Variants in FCHSD2 observed in about 807,000 individuals in gnomAD.
FCHSD2 encodes F-BAR and double SH3 domains protein 2.
In FCHSD2, 38 loss-of-function variants were observed where a neutral mutation model predicts 108.1. The ratio of observed to expected loss-of-function variants is 0.35; its 90% CI spans 0.27 to 0.46. The LOEUF (loss-of-function observed/expected upper bound fraction) is 0.46, where lower values mean the gene tolerates loss of function less well. FCHSD2 is among the 20% of genes least tolerant of loss of function. The pLI is 1.00. For synonymous variants in FCHSD2, 279 were observed against 314.7 expected (o/e 0.89, Z 1.20); for missense variants, 751 against 897.8 (o/e 0.84, Z 2.09).
chr11:73,109,438 C>T lies in FCHSD2; in HGVS notation c.120-25698G>A, dbSNP rs139241556. ...TAGTTTTCATTGCAGAGATCTTTCA[C>T]TTCATCAGTTAATTCATAGGCATTT... On this transcript the variant is annotated intron_variant, in intron 2 of 19. Transcript: ENST00000409418. Among the ~76,000 whole-genome samples the T allele has an allele frequency of 1.1e-4, 17 of 150,632 alleles. 1 individual carries two copies. Among genetic ancestry groups the T allele is most frequent in the Admixed American group, 4.6e-4 (7 of 15,082 alleles).
chr11:73,054,726 A>C (rs1858982659), intron 3 of FCHSD2, among the ~76,000 whole-genome samples: 2 of 152,096 alleles, frequency 1.3e-5, no homozygotes, highest in African/African-American at 2.4e-5. Flanking sequence ...CCCAGGCTGA[A>C]GTGCAGTGGC....
intron 10 of FCHSD2, among the ~76,000 whole-genome samples, chr11:72,901,871 T>G (rs1855533470): frequency 6.6e-6 from 1 of 152,146 alleles, no homozygotes; most frequent in African/African-American, 2.4e-5. Context: ...TCTGGTTTTT[T>G]TTTTGTTTGT....
chr11:72,916,965 ATTCTTTTTTTTTTTTTTTTT>A (rs869233651), intron 9 of FCHSD2, among the ~76,000 whole-genome samples: 1 of 124,504 alleles, frequency 8.0e-6, no homozygotes. Context: ...ATTGAACTTC[ATTCTTTTTTTTTTTTTTTTT>A]TTTTTTTTTT....
chr11:73,065,410 G>A (rs1859268292), intron 3 of FCHSD2, among the ~76,000 whole-genome samples: 1 of 152,114 alleles, frequency 6.6e-6, no homozygotes, highest in South Asian at 2.1e-4. Context: ...ATACTGAATG[G>A]GCAAAAACTG....
chr11:72,888,257 G>A (rs759771482), intron 11 of FCHSD2, among the ~76,000 whole-genome samples: 1 of 152,206 alleles, frequency 6.6e-6, no homozygotes, highest in Non-Finnish European at 1.5e-5. Context: ...GATGACTAGA[G>A]AAGATAACAT....
At chr11:73,030,855 A>T (rs1178637845) in intron 3 of FCHSD2, among the ~76,000 whole-genome samples, 3 of 152,154 alleles carry the variant, frequency 2.0e-5, no homozygotes, top group Non-Finnish European at 2.9e-5. Flanking sequence ...CTCTTTCAGC[A>T]AAAAATCCTG....
intron 8 of FCHSD2, among the ~76,000 whole-genome samples, chr11:72,929,418 T>C (rs984547597): frequency 1.3e-5 from 2 of 152,300 alleles, no homozygotes; most frequent in South Asian, 2.1e-4. Flanking sequence ...CATGAACTCA[T>C]TTTCTGGTGG....
Position 72,838,856 on chromosome 11 carries a change from G to A in FCHSD2, c.2158C>T (p.Pro720Ser). Reference sequence around the variant, plus strand: ...GGCCTTCGGTGATTCTGTGTAGGTGGAGGGGGAGCTGCCCGGACCTGAGCA... The same window carrying A: ...GGCCTTCGGTGATTCTGTGTAGGTGAAGGGGGAGCTGCCCGGACCTGAGCA... The part of the protein sequence containing the change: ...KLRPVRAAPP[P>S]PTQNHRRPAE... The change falls in exon 20 of 20, where the codon CCA (proline) becomes TCA (serine). Residue 720 changes from proline (P) to serine (S), a missense_variant. Pro to Ser is a moderately conservative substitution (Grantham distance 74). Transcript: ENST00000409418. The A allele has an allele frequency of 6.3e-7, 1 of 1,586,908 alleles. No homozygotes were observed. Among genetic ancestry groups the A allele is most frequent in the Non-Finnish European group, 8.6e-7 (1 of 1,168,394 alleles).
intron 8 of FCHSD2, among the ~76,000 whole-genome samples, chr11:72,970,662 C>A (rs1856990489): frequency 6.6e-6 from 1 of 152,150 alleles, no homozygotes; most frequent in Admixed American, 6.5e-5. Flanking sequence ...CTGTGAAATG[C>A]CACTGTCTGC....
chr11:73,130,695 TTTAA>T (rs377168813), intron 2 of FCHSD2, among the ~76,000 whole-genome samples: 132 of 152,294 alleles, frequency 8.7e-4, no homozygotes, highest in African/African-American at 3.0e-3. Context: ...ACAAAAAAAG[TTTAA>T]TTAAACAGAC....
chr11:72,870,309 T>C (rs1854825831), intron 12 of FCHSD2, among the ~76,000 whole-genome samples: 2 of 152,182 alleles, frequency 1.3e-5, no homozygotes, highest in Admixed American at 6.5e-5. Context: ...TAAGTATGCC[T>C]GTTTGATATA....
At chr11:73,100,598 G>T (rs1860200433) in intron 2 of FCHSD2, among the ~76,000 whole-genome samples, 1 of 152,082 alleles carries the variant, frequency 6.6e-6, no homozygotes, top group African/African-American at 2.4e-5. Context: ...CTCGACCTCA[G>T]GTGATCCGCC....
At chr11:73,123,211 A>C (rs1176420992) in intron 2 of FCHSD2, among the ~76,000 whole-genome samples, 1 of 152,218 alleles carries the variant, frequency 6.6e-6, no homozygotes, top group African/African-American at 2.4e-5. Context: ...CAATTATTTC[A>C]CTGACATTTT....
intron 3 of FCHSD2, among the ~76,000 whole-genome samples, chr11:73,044,871 C>A: frequency 6.6e-6 from 1 of 152,052 alleles, no homozygotes; most frequent in South Asian, 2.1e-4. Context: ...GAGATCGAGA[C>A]CATCCTGACT....
chr11:73,068,627 TG>T (rs1317427754), intron 3 of FCHSD2, among the ~76,000 whole-genome samples: 1 of 151,742 alleles, frequency 6.6e-6, no homozygotes, highest in Non-Finnish European at 1.5e-5. Flanking sequence ...AATTAACAAT[TG>T]GAACACACAT....
intron 10 of FCHSD2, 130 bp downstream of exon 10, chr11:72,902,413 C>T (rs1855544868): frequency 1.1e-5 from 6 of 538,464 alleles, no homozygotes; most frequent in Non-Finnish European, 1.9e-5. Context: ...TATTCTGTGT[C>T]CTCACAGTTT....
chr11:72,847,928 G>A (rs1359347570), intron 14 of FCHSD2, among the ~76,000 whole-genome samples: 1 of 152,094 alleles, frequency 6.6e-6, no homozygotes, highest in Non-Finnish European at 1.5e-5. Context: ...CCTAACCTCA[G>A]TGATCCACCT....
chr11:72,985,843 G>A (rs1272802265), intron 6 of FCHSD2, among the ~76,000 whole-genome samples: 1 of 152,148 alleles, frequency 6.6e-6, no homozygotes, highest in African/African-American at 2.4e-5. Context: ...TATGGAGAAA[G>A]TCAACAGACA....
intron 13 of FCHSD2, among the ~76,000 whole-genome samples, chr11:72,854,485 G>A (rs1861371060): frequency 6.6e-6 from 1 of 152,232 alleles, no homozygotes. Flanking sequence ...AAGCTGGAGT[G>A]CAATGGTGCG....
Sources: gnomAD v4.1 joint callset for allele counts (sites outside exome capture counted in the v4.1 genomes callset) on GRCh38, gnomAD v4.1.1 for gene constraint, MANE v1.5 for transcripts, NCBI Gene and HGNC (gene_info 2026-07-23, HGNC 2026-07-21) for gene names.